The following FAT4 variants were observed in gnomAD, a reference collection of about 807,000 sequenced individuals.
FAT4 encodes the protein FAT atypical cadherin 4.
A neutral mutation model predicts 303.9 loss-of-function variants in FAT4; 84 were observed. The observed-to-expected ratio is 0.28, with a 90% CI of 0.23 to 0.33. The LOEUF (loss-of-function observed/expected upper bound fraction) is 0.33, where lower values mean the gene tolerates loss of function less well. Among genes scored for constraint, FAT4 ranks in the 10% least tolerant of loss-of-function variants. The pLI, the probability that FAT4 is intolerant of heterozygous loss-of-function variation, is 1.00. For synonymous variants in FAT4, 2,307 were observed against 2,298.8 expected, an observed-to-expected ratio of 1.00 and a Z score of -0.10; for missense variants, 6,005 against 6,146.8, an observed-to-expected ratio of 0.98 and a Z score of 0.77.
intron 2 of FAT4, among the ~76,000 whole-genome samples, chr4:125,398,032 C>T (rs1734247887): frequency 6.6e-6 from 1 of 152,090 alleles, no homozygotes; most frequent in African/African-American, 2.4e-5. Context: ...CTATTAGCAC[C>T]TAACTCAAAA....
Position 125,317,951 on chromosome 4 carries a change from A to T in FAT4, c.1540A>T (p.Ile514Phe). 5 of 1,614,104 alleles carry T rather than the reference A, an allele frequency of 3.1e-6. No homozygotes were observed. The highest frequency in any genetic ancestry group is 4.2e-6 in the Non-Finnish European group (5 of 1,180,034). The change falls in exon 2 of 18, where the codon ATT (isoleucine) becomes TTT (phenylalanine). Residue 514 changes from isoleucine to phenylalanine, a missense_variant. By Grantham distance (21) the Ile-to-Phe change is conservative. Transcript: ENST00000394329. The surrounding 1 kb of genome is among the most constrained non-coding windows in gnomAD (Gnocchi z 7.0). ...TCTCAATGCTAATCTGCGTTACAGCATTGTCTCTGGCAATGGACTGGGATG... is the reference window on the plus strand; with the variant it reads ...TCTCAATGCTAATCTGCGTTACAGCTTTGTCTCTGGCAATGGACTGGGATG... Reference protein sequence around the residue: ...SGLNANLRYSIVSGNGLGWFH... With the variant: ...SGLNANLRYSFVSGNGLGWFH...
intron 2 of FAT4, among the ~76,000 whole-genome samples, chr4:125,396,285 T>C (rs1734165692): frequency 6.6e-6 from 1 of 152,134 alleles, no homozygotes; most frequent in African/African-American, 2.4e-5. Flanking sequence ...TAGGTGTGTA[T>C]GTATCTACAT....
intron 7 of FAT4, among the ~76,000 whole-genome samples, chr4:125,427,523 GAA>G (rs1725124441): frequency 6.6e-6 from 1 of 151,444 alleles, no homozygotes; most frequent in Non-Finnish European, 1.5e-5. Context: ...TTAAAATACA[GAA>G]GTGTTGTTAA....
intron 4 of FAT4, among the ~76,000 whole-genome samples, chr4:125,408,006 C>G (rs1679090214): frequency 1.3e-5 from 2 of 152,084 alleles, no homozygotes; most frequent in South Asian, 4.1e-4. Flanking sequence ...TCCCATCACA[C>G]TTATTTCTTG....
At chr4:125,463,741 T>C in intron 11 of FAT4, 74 bp downstream of exon 11, 9 of 997,204 alleles carry the variant, frequency 9.0e-6, no homozygotes, top group Non-Finnish European at 1.3e-5. Flanking sequence ...TGTTTTATTA[T>C]GAGTATGAAA....
chr4:125,452,049 C>A lies in FAT4; in HGVS notation c.11039C>A (p.Thr3680Lys), dbSNP rs367877267. 6.2e-7 allele frequency: 1 copy of A among 1,614,128 alleles called. No homozygotes were observed. The highest frequency in any genetic ancestry group is 2.2e-5 in the East Asian group (1 of 44,866). Residue 3680 changes from threonine (T) to lysine (K), a missense_variant, in exon 10 of 18, where the codon ACG (threonine) becomes AAG (lysine). By Grantham distance (78) the Thr-to-Lys change is moderately conservative. Transcript: ENST00000394329. ...TCCCAGCCAAGGTCCACAGATGGCA[C>A]GTTTGATCTGACTGTCCTTAGCAAT... is the stretch of plus-strand genomic sequence containing the variant. ...LNSQPRSTDG[T>K]FDLTVLSNDG...
intron 17 of FAT4, 54 bp from the exon 18 acceptor site, chr4:125,489,847 C>CCTTTT: frequency 6.7e-6 from 3 of 445,934 alleles, no homozygotes; most frequent in Non-Finnish European, 9.8e-6. Context: ...AGTATAAGCT[C>CCTTTT]TTTTTTTTTT....
At position 125,374,625 on chromosome 4, in the gene FAT4, C is replaced by A. The variant is rs1733245715; in HGVS notation, c.5176-24159C>A. ...TTTAAAGGGTACAATGTAGTTGTCC[C>A]ACGTATATTCACAGAGCTGTTCAGA... On this transcript the variant is annotated intron_variant, in intron 2 of 17. Transcript: ENST00000394329. Among the ~76,000 whole-genome samples, 2 of 152,070 alleles carry A rather than the reference C, an allele frequency of 1.3e-5. 1 individual carries two copies. Among genetic ancestry groups the A allele is most frequent in the South Asian group, 4.1e-4 (2 of 4,828 alleles).
chr4:125,440,275 T>A (rs1301142182), intron 8 of FAT4, among the ~76,000 whole-genome samples: 1 of 152,120 alleles, frequency 6.6e-6, no homozygotes, highest in Non-Finnish European at 1.5e-5. Context: ...CATTTATTCC[T>A]GAAAATCTTT....
intron 4 of FAT4, among the ~76,000 whole-genome samples, chr4:125,408,058 C>T (rs1303498312): frequency 6.6e-6 from 1 of 152,116 alleles, no homozygotes; most frequent in Non-Finnish European, 1.5e-5. Flanking sequence ...AGAGTAGTAT[C>T]ACCAGGGCAT....
At chr4:125,405,343 T>G (rs1216440170) in intron 3 of FAT4, among the ~76,000 whole-genome samples, 1 of 152,122 alleles carries the variant, frequency 6.6e-6, no homozygotes, top group Non-Finnish European at 1.5e-5. Context: ...CATTTTGCAT[T>G]CCCACCAACA....
At chr4:125,427,614 T>C (rs535802307) in intron 7 of FAT4, among the ~76,000 whole-genome samples, 17 of 152,236 alleles carry the variant, frequency 1.1e-4, no homozygotes, top group African/African-American at 4.1e-4. Flanking sequence ...TCTTCAATGC[T>C]AATATAGGAT....
rs150168942 is a variant in FAT4, at chr4:125,351,239, C to T, written c.5175+29653C>T. Among the ~76,000 whole-genome samples, 573 of 151,610 alleles carry T rather than the reference C, an allele frequency of 3.8e-3. 5 individuals carry two copies. The highest frequency in any genetic ancestry group is 8.6e-3 in the Admixed American group (131 of 15,154). On this transcript the variant is annotated intron_variant, in intron 2 of 17. Coordinates refer to ENST00000394329, the MANE Select transcript of FAT4 (RefSeq NM_001291303.3). Reference sequence around the variant, plus strand: ...AATATATATGAAGATAAGTTTGGTGCCACCAATTTGAAATTAAATGTACAG... The same window carrying T: ...AATATATATGAAGATAAGTTTGGTGTCACCAATTTGAAATTAAATGTACAG...
intron 2 of FAT4, among the ~76,000 whole-genome samples, chr4:125,356,382 G>T: frequency 6.6e-6 from 1 of 152,014 alleles, no homozygotes; most frequent in Non-Finnish European, 1.5e-5. Context: ...TTTATTTTAT[G>T]CAGATATATG....
chr4:125,444,085 G>A (rs1408816711), intron 8 of FAT4, among the ~76,000 whole-genome samples: 1 of 152,066 alleles, frequency 6.6e-6, no homozygotes, highest in Admixed American at 6.6e-5. Context: ...CTTTAAAATA[G>A]ACAGTCATAC....
rs762723349 is a variant in FAT4, at chr4:125,477,244, A to C, written c.12389A>C (p.His4130Pro). The C allele has an allele frequency of 7.7e-6, 12 of 1,557,314 alleles. No individual in the cohort carries two copies. In the Admixed American group the frequency reaches 2.2e-4, roughly 28 times the overall value. The change falls in exon 14 of 18, where the codon CAT (histidine) becomes CCT (proline). Residue 4130 changes from histidine (H) to proline (P), a missense_variant. Transcript: ENST00000394329. ...ILQRRGHVES[H>P]DFVGCIMEFA... ...CAGAGAAGAGGACACGTGGAAAGCC[A>C]TGATTTTGTTGGGTGTATAATGGAG... is the stretch of plus-strand genomic sequence containing the variant.
chr4:125,334,173 A>G (rs934145882), intron 2 of FAT4, among the ~76,000 whole-genome samples: 2 of 152,236 alleles, frequency 1.3e-5, no homozygotes, highest in African/African-American at 4.8e-5. Flanking sequence ...AGGAGGCTAC[A>G]GCTTCCTCAT....
At chr4:125,403,080 C>T (rs1273641171) in intron 3 of FAT4, among the ~76,000 whole-genome samples, 1 of 151,954 alleles carries the variant, frequency 6.6e-6, no homozygotes, top group Non-Finnish European at 1.5e-5. Context: ...TTTAAGCCAT[C>T]ATGTTTCTCT....
At chr4:125,422,387 C>A (rs1038461954) in intron 7 of FAT4, among the ~76,000 whole-genome samples, 1 of 152,152 alleles carries the variant, frequency 6.6e-6, no homozygotes, top group South Asian at 2.1e-4. Context: ...TTCCCATAAT[C>A]CCCATGTGTC....
Sources: gnomAD v4.1 joint callset for allele counts (sites outside exome capture counted in the v4.1 genomes callset) on GRCh38, gnomAD v4.1.1 for gene constraint, Gnocchi (gnomAD v3.1) non-coding constraint, MANE v1.5 for transcripts, NCBI Gene and HGNC (gene_info 2026-07-23, HGNC 2026-07-21) for gene names.